Variants in UNC13A observed in about 807,000 individuals in gnomAD.
UNC13A encodes protein unc-13 homolog A.
A neutral mutation model predicts 219.7 loss-of-function variants in UNC13A; 61 were observed. That is an observed-to-expected ratio of 0.28 (90% CI 0.23 to 0.34). The LOEUF (loss-of-function observed/expected upper bound fraction) is 0.34. UNC13A is among the 10% of genes least tolerant of loss of function. The probability of loss-of-function intolerance (pLI) is 1.00; values close to 1 mark genes in which losing one functional copy is unlikely to be tolerated. For synonymous variants in UNC13A, 920 were observed against 884.6 expected (o/e 1.04, Z -0.71); for missense variants, 1,476 against 2,270.3 (o/e 0.65, Z 7.11).
At chr19:17,614,008 CCTT>C (rs1360840844) in intron 41 of UNC13A, 1 of 143,784 alleles carries the variant, frequency 7.0e-6, no homozygotes, top group Non-Finnish European at 1.5e-5. Flanking sequence ...CCGCACCTGG[CCTT>C]CTTTTTTGTT....
chr19:17,635,245 C>T lies in UNC13A; in HGVS notation c.3215+779G>A, dbSNP rs571412450. Among the ~76,000 whole-genome samples the T allele has an allele frequency of 2.0e-5, 3 of 152,292 alleles. No individual in the cohort carries two copies. The East Asian group carries it at 5.8e-4, about 29-fold the overall frequency. ...CAAACTCCTGACCTCAAATGATCCA[C>T]CCACCTTGGCCTCCCAAAGTGCTGG... On this transcript the variant is annotated intron_variant, in intron 26 of 43. Transcript: ENST00000519716.
intron 41 of UNC13A, chr19:17,616,384 C>T (rs1291868197): frequency 1.2e-5 from 7 of 606,520 alleles, no homozygotes; most frequent in Middle Eastern, 2.6e-4. Flanking sequence ...GCGCGGGCGG[C>T]GGGCGGGAGG....
chr19:17,658,336 A>G, intron 8 of UNC13A, 67 bp from the exon 9 acceptor site: 2 of 1,476,996 alleles, frequency 1.4e-6, no homozygotes, highest in Non-Finnish European at 1.9e-6. Flanking sequence ...GAGCCAATAC[A>G]ATTTCCCAGA....
rs1007430713 is a variant in UNC13A at position 17,603,439 on chromosome 19, T to C, written c.*2615A>G. 3.3e-5 allele frequency: 5 copies of C among 152,330 alleles called. No individual in the cohort carries two copies. The highest frequency in any genetic ancestry group is 1.2e-4 in the African/African-American group (5 of 41,456). The allele number at this position is 152,330 out of a possible 1,614,324, so 9.4% of individuals were successfully genotyped here. A position where few individuals can be genotyped will look rare whatever the true frequency, so the allele number is the denominator to read the frequency against. On this transcript the variant is annotated 3_prime_UTR_variant, in exon 44 of 44. Coordinates refer to ENST00000519716, the MANE Select transcript of UNC13A (RefSeq NM_001080421.3). The stretch of plus-strand genomic sequence containing the variant: ...TCCACCCGACCCCTACCCTCAGCCA[T>C]GTCATGGTTCGAAATTCACATCTGC...
At chr19:17,628,170 C>T (rs1234509808) in intron 31 of UNC13A, 1 of 518,242 alleles carries the variant, frequency 1.9e-6, no homozygotes, top group African/African-American at 2.0e-5. Flanking sequence ...CAAGTAATCC[C>T]ACGACCCCAG....
chr19:17,674,561 AC>A lies in UNC13A; in HGVS notation c.152+95del. 1 of 1,060,186 alleles carries A rather than the reference AC, an allele frequency of 9.4e-7. No homozygotes were observed. Among genetic ancestry groups the A allele is most frequent in the Non-Finnish European group, 1.4e-6 (1 of 699,358 alleles). 65.7% of individuals were successfully genotyped at this position (1,060,186 alleles called of 1,614,324 possible). A position where few individuals can be genotyped will look rare whatever the true frequency, so the allele number is the denominator to read the frequency against. On this transcript the variant is annotated intron_variant, in intron 3 of 43. Coordinates refer to ENST00000519716, the MANE Select transcript of UNC13A (RefSeq NM_001080421.3). This position sits in a 1 kb window ranked among gnomAD's most constrained non-coding sequence, Gnocchi z 5.0. Reference sequence around the variant, plus strand: ...GGAAGAGGGAGGACAGAGGGGAGTCACCCGGGATTCCCCAGTGTCCAGCTCT... The same window carrying A: ...GGAAGAGGGAGGACAGAGGGGAGTCACCGGGATTCCCCAGTGTCCAGCTCT...
intron 38 of UNC13A, 66 bp downstream of exon 38, chr19:17,620,627 G>A: frequency 1.3e-6 from 2 of 1,499,946 alleles, no homozygotes; most frequent in Middle Eastern, 2.0e-4. Flanking sequence ...AGGTGGAAGG[G>A]GGCACAGGGG....
chr19:17,606,270 C>G lies in UNC13A; in HGVS notation c.4896G>C (p.Thr1632=). The G allele has an allele frequency of 6.5e-7, 1 of 1,547,992 alleles. No individual in the cohort carries two copies. Among genetic ancestry groups the G allele is most frequent in the Non-Finnish European group, 8.7e-7 (1 of 1,146,526 alleles). The change falls in exon 44 of 44, where the codon ACG becomes ACC. Residue 1632 remains threonine (T), a synonymous_variant. Transcript: ENST00000519716. Reference sequence around the variant, plus strand: ...GCAGCTGCAGCACGGCCAGCCCCACCGTGCGGTCCTCGCGCGCGAAGCAGT... The same window carrying G: ...GCAGCTGCAGCACGGCCAGCCCCACGGTGCGGTCCTCGCGCGCGAAGCAGT... ...KDYCFAREDR[T]VGLAVLQLRE...
intron 23 of UNC13A, 136 bp downstream of exon 23, chr19:17,639,704 C>G: frequency 8.6e-7 from 1 of 1,169,460 alleles, no homozygotes; most frequent in Non-Finnish European, 1.2e-6. Context: ...AGTGCCCATG[C>G]AGGTGCACAC....
chr19:17,673,529 C>G (rs903674044), intron 3 of UNC13A, among the ~76,000 whole-genome samples: 3 of 148,428 alleles, frequency 2.0e-5, no homozygotes, highest in Non-Finnish European at 3.0e-5. Context: ...CCGGTCTTTA[C>G]TAAATACACA....
intron 43 of UNC13A, among the ~76,000 whole-genome samples, chr19:17,607,328 C>CATA: frequency 2.0e-5 from 3 of 151,796 alleles, no homozygotes; most frequent in East Asian, 1.9e-4. Flanking sequence ...GTGGCACAAT[C>CATA]GCGGCTCACT....
chr19:17,672,464 C>A lies in UNC13A; in HGVS notation c.184G>T (p.Val62Leu). 1 of 1,613,860 alleles carries A rather than the reference C, an allele frequency of 6.2e-7. No homozygotes were observed. The highest frequency in any genetic ancestry group is 8.5e-7 in the Non-Finnish European group (1 of 1,179,864). The change falls in exon 4 of 44, where the codon GTG becomes TTG. Residue 62 changes from valine (V) to leucine (L), a missense_variant. This residue lies in a region of UNC13A where 203 missense variants were observed against 301.6 expected (regional missense o/e 0.67). Coordinates refer to ENST00000519716, the MANE Select transcript of UNC13A (RefSeq NM_001080421.3). ...EINRLDLGLT[V>L]EVWNKGLIWD... ...ATGAGACCCTTATTCCACACCTCCA[C>A]CGTCAGTCCCAAATCCAGACGGTTA...
At chr19:17,675,973 C>A (rs1365764139) in intron 2 of UNC13A, 39 bp downstream of exon 2, 7 of 1,550,638 alleles carry the variant, frequency 4.5e-6, no homozygotes, top group Non-Finnish European at 6.1e-6. Flanking sequence ...GACAGACAGA[C>A]AGACAACACG....
intron 8 of UNC13A, among the ~76,000 whole-genome samples, chr19:17,660,063 TTTTA>T (rs910243981): frequency 1.3e-5 from 2 of 152,080 alleles, no homozygotes; most frequent in South Asian, 2.1e-4. Context: ...ACCCAGCTAA[TTTTA>T]TTTATTTATT....
Position 17,655,957 on chromosome 19 carries a change from G to A in UNC13A, c.1209C>T (p.Pro403=), listed in dbSNP as rs763067071. Residue 403 remains proline, a synonymous_variant, in exon 10 of 44, where the codon CCC becomes CCT. Coordinates refer to ENST00000519716, the MANE Select transcript of UNC13A (RefSeq NM_001080421.3). ...TEAPDMAKVA[P]KPATPDKVPA... is the part of the protein sequence containing the mutation. The stretch of plus-strand genomic sequence containing the variant: ...GCACCTTGTCGGGCGTGGCTGGCTT[G>A]GGGGCCACCTTGGCCATGTCGGGGG... 2 of 1,549,200 alleles carry A rather than the reference G, an allele frequency of 1.3e-6. No individual in the cohort carries two copies. The highest frequency in any genetic ancestry group is 1.2e-5 in the South Asian group (1 of 80,564).
Position 17,656,042 on chromosome 19 carries a change from A to T in UNC13A, c.1124T>A (p.Ile375Asn). The T allele has an allele frequency of 6.4e-7, 1 of 1,561,468 alleles. No individual in the cohort carries two copies. Among genetic ancestry groups the T allele is most frequent in the Non-Finnish European group, 8.7e-7 (1 of 1,152,482 alleles). The change falls in exon 10 of 44, where the codon ATC becomes AAC. Residue 375 changes from isoleucine (I) to asparagine (N), a missense_variant. Transcript: ENST00000519716. ...AVAEPKDFKRISLPPAAPGKE... is the reference protein window; with the variant it reads ...AVAEPKDFKRNSLPPAAPGKE... ...CCCTGGGGCAGCTGGCGGGAGGCTG[A>T]TGCGTTTGAAGTCTTTGGGCTCAGC... is the stretch of plus-strand genomic sequence containing the variant.
intron 7 of UNC13A, among the ~76,000 whole-genome samples, chr19:17,666,203 T>C (rs117211435): frequency 7.6e-4 from 7 of 9,262 alleles, no homozygotes; most frequent in African/African-American, 1.9e-3. Context: ...CTCTCTTTCT[T>C]TCTCTTTCTT....
At chr19:17,678,057 C>T (rs1476365828) in intron 1 of UNC13A, among the ~76,000 whole-genome samples, 3 of 152,196 alleles carry the variant, frequency 2.0e-5, no homozygotes, top group African/African-American at 7.2e-5. Context: ...AGCCTCCCAT[C>T]CCGGGTTTGT....
intron 26 of UNC13A, among the ~76,000 whole-genome samples, chr19:17,635,031 C>T (rs1054610362): frequency 2.6e-5 from 4 of 152,098 alleles, no homozygotes; most frequent in East Asian, 1.9e-4. Context: ...CCACCACTCC[C>T]GGCTAATTTT....
Sources: allele counts gnomAD v4.1 joint callset (sites outside exome capture counted in the v4.1 genomes callset), GRCh38; gene constraint gnomAD v4.1.1; regional missense constraint gnomAD v4.1.1; non-coding constraint Gnocchi (gnomAD v3.1); transcripts MANE v1.5; gene names NCBI Gene and HGNC (gene_info 2026-07-23, HGNC 2026-07-21).